UGGT1: variants seen among roughly 807,000 people sequenced by gnomAD.
The protein encoded by UGGT1 is UDP-glucose:glycoprotein glucosyltransferase 1.
UGGT1 carries 107 observed loss-of-function variants against 203.9 expected under a neutral mutation model. That is an observed-to-expected ratio of 0.52 (90% confidence interval 0.45 to 0.62). The LOEUF is 0.62. Among genes scored for constraint, UGGT1 ranks in the 20% least tolerant of loss-of-function variants. UGGT1 has a pLI of 0.00. For missense variants in UGGT1, 1,673 were observed against 1,867.2 expected, an observed-to-expected ratio of 0.90 and a Z score of 1.92; for synonymous variants, 628 against 653.5, an observed-to-expected ratio of 0.96 and a Z score of 0.59.
chr2:128,157,367 T>C (rs1297230277), intron 22 of UGGT1, 21 bp downstream of exon 22: 2 of 1,604,150 alleles, frequency 1.2e-6, no homozygotes, highest in African/African-American at 2.7e-5. Flanking sequence ...ATGACTTCAT[T>C]TTATATTTTT....
chr2:128,146,766 C>T (rs1450779675), intron 18 of UGGT1, among the ~76,000 whole-genome samples: 4 of 152,150 alleles, frequency 2.6e-5, no homozygotes, highest in South Asian at 2.1e-4. Flanking sequence ...TTGTCCTACT[C>T]CCAGCCACCC....
chr2:128,178,022 C>T (rs2104806296), intron 33 of UGGT1, 102 bp downstream of exon 33: 1 of 992,090 alleles, frequency 1.0e-6, no homozygotes, highest in Non-Finnish European at 1.5e-6. Context: ...GGGCCTTTCA[C>T]ATTCTACTTT....
chr2:128,168,334 G>T (rs1193643686), intron 26 of UGGT1, among the ~76,000 whole-genome samples: 1 of 152,180 alleles, frequency 6.6e-6, no homozygotes, highest in African/African-American at 2.4e-5. Context: ...ATCTGAAATT[G>T]TTAATAATGC....
Position 128,159,576 on chromosome 2 carries a change from G to A in UGGT1, c.2418G>A (p.Glu806=), listed in dbSNP as rs752094205. The part of the protein sequence containing the change: ...INNPAKEISY[E]NTQISRAIWA... ...ATCCTGCCAAAGAGATAAGCTATGA[G>A]AACACTCAGATCTCCAGAGCAATCT... Residue 806 remains glutamate (E), a synonymous_variant, in exon 23 of 41, where the codon GAG becomes GAA. Transcript: ENST00000259253. The A allele has an allele frequency of 3.2e-5, 51 of 1,614,006 alleles. No homozygotes were observed. The South Asian group carries it at 5.5e-4, about 17-fold the overall frequency.
At chr2:128,176,604 G>A (rs111736757) in intron 31 of UGGT1, among the ~76,000 whole-genome samples, 142 of 152,172 alleles carry the variant, frequency 9.3e-4, no homozygotes, top group Middle Eastern at 3.4e-3. Context: ...TTTGCAAGAG[G>A]ACTCACAAAG....
At chr2:128,130,058 T>G (rs1688798661) in intron 13 of UGGT1, among the ~76,000 whole-genome samples, 1 of 151,916 alleles carries the variant, frequency 6.6e-6, no homozygotes, top group Admixed American at 6.6e-5. Flanking sequence ...GTCAGGAGAT[T>G]GAGACCAGCC....
chr2:128,124,566 TTC>T (rs1431190656), intron 11 of UGGT1, among the ~76,000 whole-genome samples: 2 of 152,100 alleles, frequency 1.3e-5, no homozygotes, highest in Admixed American at 6.5e-5. Flanking sequence ...TTTGTGTTTC[TTC>T]TCTCTGGTTT....
At chr2:128,171,030 A>G (rs1044214884) in intron 27 of UGGT1, among the ~76,000 whole-genome samples, 175 bp from the exon 28 acceptor site, 5 of 152,184 alleles carry the variant, frequency 3.3e-5, no homozygotes, top group African/African-American at 1.2e-4. Context: ...GCCACGTCCT[A>G]TGTATGTGTG....
chr2:128,117,610 C>T (rs1688172623), intron 8 of UGGT1, among the ~76,000 whole-genome samples: 1 of 145,872 alleles, frequency 6.9e-6, no homozygotes, highest in Non-Finnish European at 1.5e-5. Context: ...GTGCCACGAT[C>T]TTGGCTCACT....
chr2:128,167,024 G>A (rs1287326433), intron 26 of UGGT1, among the ~76,000 whole-genome samples: 1 of 152,186 alleles, frequency 6.6e-6, no homozygotes, highest in African/African-American at 2.4e-5. Flanking sequence ...AATTTTTTAT[G>A]TCAGCAGTGG....
intron 19 of UGGT1, among the ~76,000 whole-genome samples, chr2:128,154,205 A>C (rs988839905): frequency 2.0e-5 from 3 of 152,126 alleles, no homozygotes; most frequent in African/African-American, 7.2e-5. Context: ...TTCTTCCCTG[A>C]AGTTTCAGTA....
chr2:128,116,263 A>T lies in UGGT1; in HGVS notation c.794-2A>T, dbSNP rs747785620. ...TAATATGTATTTTCTATTCTTTCAT[A>T]GGAACTGAGGTAAACACCACAGTGA... On this transcript the variant is annotated splice_acceptor_variant, in intron 7 of 40. Transcript: ENST00000259253. LOFTEE classifies it high-confidence loss of function. 1 of 1,587,340 alleles carries T rather than the reference A, an allele frequency of 6.3e-7. No individual in the cohort carries two copies. Among genetic ancestry groups the T allele is most frequent in the East Asian group, 2.2e-5 (1 of 44,656 alleles).
intron 16 of UGGT1, among the ~76,000 whole-genome samples, chr2:128,139,623 A>AGTC (rs1221123852): frequency 6.6e-6 from 1 of 152,186 alleles, no homozygotes; most frequent in Non-Finnish European, 1.5e-5. Context: ...GGCAGGTGAC[A>AGTC]GTCAGCAGGG....
intron 23 of UGGT1, among the ~76,000 whole-genome samples, chr2:128,160,025 A>T (rs1363872048): frequency 2.6e-5 from 4 of 152,186 alleles, no homozygotes; most frequent in African/African-American, 9.7e-5. Flanking sequence ...TTATAGGTTC[A>T]AGGCTTATAT....
chr2:128,159,542 T>C lies in UGGT1; in HGVS notation c.2384T>C (p.Met795Thr). ...QKSSNNVRIS[M>T]INNPAKEISY... is the part of the protein sequence containing the mutation. The stretch of plus-strand genomic sequence containing the variant: ...TCCAGTAACAATGTTAGAATAAGCA[T>C]GATCAATAATCCTGCCAAAGAGATA... Residue 795 changes from methionine (M) to threonine (T), a missense_variant, in exon 23 of 41, where the codon ATG (methionine) becomes ACG (threonine). By Grantham distance (81) the Met-to-Thr change is moderately conservative. Transcript: ENST00000259253. The C allele has an allele frequency of 6.2e-7, 1 of 1,614,186 alleles. No homozygotes were observed.
chr2:128,124,262 T>C (rs1179100849), intron 11 of UGGT1, among the ~76,000 whole-genome samples: 1 of 152,220 alleles, frequency 6.6e-6, no homozygotes, highest in Non-Finnish European at 1.5e-5. Flanking sequence ...CTACTTGTTT[T>C]TATTGATAGC....
At chr2:128,165,711 A>G (rs570221470) in intron 26 of UGGT1, among the ~76,000 whole-genome samples, 1 of 152,302 alleles carries the variant, frequency 6.6e-6, no homozygotes, top group East Asian at 1.9e-4. Context: ...TCATAATAAT[A>G]GTAAGATAAA....
At chr2:128,154,129 A>G (rs1440676019) in intron 19 of UGGT1, among the ~76,000 whole-genome samples, 1 of 152,090 alleles carries the variant, frequency 6.6e-6, no homozygotes, top group East Asian at 1.9e-4. Flanking sequence ...AAGTGTAAAT[A>G]TAGGCTTATA....
At chr2:128,151,016 A>C in intron 18 of UGGT1, 1 of 190,036 alleles carries the variant, frequency 5.3e-6, no homozygotes, top group Non-Finnish European at 1.1e-5. Flanking sequence ...ATGCCCGGCT[A>C]ATTTTTGTAT....
Sources: allele counts gnomAD v4.1 joint callset (sites outside exome capture counted in the v4.1 genomes callset), GRCh38; gene constraint gnomAD v4.1.1; transcripts MANE v1.5; gene names NCBI Gene and HGNC (gene_info 2026-07-23, HGNC 2026-07-21).